Variants in ANKRD11 observed in about 807,000 individuals in gnomAD.
The protein encoded by ANKRD11 is ankyrin repeat domain 11.
A neutral mutation model predicts 195.7 loss-of-function variants in ANKRD11; 17 were observed. The ratio of observed to expected loss-of-function variants is 0.09; its 90% CI spans 0.06 to 0.13. The LOEUF is 0.13. ANKRD11 is among the 10% of genes least tolerant of loss of function. The pLI is 1.00. For missense variants in ANKRD11, 3,735 were observed against 3,566.1 expected, an observed-to-expected ratio of 1.05 and a Z score of -1.21; for synonymous variants, 1,953 against 1,528.1, an observed-to-expected ratio of 1.28 and a Z score of -6.49.
chr16:89,456,318 A>C (rs993594407), intron 1 of ANKRD11, among the ~76,000 whole-genome samples: 3 of 151,852 alleles, frequency 2.0e-5, no homozygotes, highest in African/African-American at 7.3e-5. Flanking sequence ...GGAGGGCAAG[A>C]CAGGCAGACC....
intron 7 of ANKRD11, chr16:89,287,573 A>T (rs1466028758): frequency 6.0e-6 from 1 of 165,934 alleles, no homozygotes; most frequent in Non-Finnish European, 1.3e-5. Context: ...CGAATCCCAG[A>T]CACTGCAGAG....
intron 1 of ANKRD11, among the ~76,000 whole-genome samples, chr16:89,441,670 G>A (rs1247410087): frequency 2.7e-5 from 4 of 147,824 alleles, no homozygotes; most frequent in African/African-American, 9.9e-5. Context: ...GGGAGGCTGA[G>A]GCAGGAGAAT....
chr16:89,466,967 G>A (rs564375344), intron 1 of ANKRD11, among the ~76,000 whole-genome samples: 1 of 152,330 alleles, frequency 6.6e-6, no homozygotes, highest in African/African-American at 2.4e-5. Flanking sequence ...TACCCTGTCA[G>A]TTCATTAGCT....
chr16:89,385,781 C>A (rs1292125751), intron 2 of ANKRD11, among the ~76,000 whole-genome samples: 1 of 152,230 alleles, frequency 6.6e-6, no homozygotes, highest in East Asian at 1.9e-4. Flanking sequence ...GCAGTGAGAC[C>A]GTGCCAGAGC....
At chr16:89,304,271 C>A (rs530667974) in intron 4 of ANKRD11, among the ~76,000 whole-genome samples, 4 of 152,208 alleles carry the variant, frequency 2.6e-5, no homozygotes, top group East Asian at 3.9e-4. Flanking sequence ...GGCTTGCACA[C>A]GGGCACACAG....
At chr16:89,361,567 T>G (rs1300533902) in intron 2 of ANKRD11, 1 of 152,262 alleles carries the variant, frequency 6.6e-6, no homozygotes, top group Non-Finnish European at 1.5e-5. Context: ...AACATCCGCA[T>G]CACCAGAAGG....
chr16:89,434,888 G>A (rs2043147377), intron 1 of ANKRD11, among the ~76,000 whole-genome samples: 1 of 152,216 alleles, frequency 6.6e-6, no homozygotes, highest in South Asian at 2.1e-4. Flanking sequence ...CTGCACCAAG[G>A]CACAAGAAAA....
At chr16:89,422,872 C>CT (rs913508623) in intron 1 of ANKRD11, among the ~76,000 whole-genome samples, 6 of 152,198 alleles carry the variant, frequency 3.9e-5, no homozygotes, top group African/African-American at 1.4e-4. Context: ...ACTTTAATCA[C>CT]TTTTTTCTTT....
chr16:89,280,485 G>T lies in ANKRD11; in HGVS notation c.6057C>A (p.Pro2019=). 6.3e-7 allele frequency: 1 copy of T among 1,577,580 alleles called. No individual in the cohort carries two copies. The highest frequency in any genetic ancestry group is 8.6e-7 in the Non-Finnish European group (1 of 1,163,106). ...GCAGAGCGTACGGGGCAGGAGAGGC[G>T]GGAGGGGCGGGGTACGGCGCCTCCG... ...SASEAPYPAP[P]ASPAPYALPV... The change falls in exon 9 of 13, where the codon CCC becomes CCA. Residue 2019 remains proline (P), a synonymous_variant. Coordinates refer to ENST00000301030, the MANE Select transcript of ANKRD11 (RefSeq NM_013275.6).
chr16:89,410,543 G>A (rs1453678677), intron 2 of ANKRD11, among the ~76,000 whole-genome samples: 1 of 152,104 alleles, frequency 6.6e-6, no homozygotes, highest in African/African-American at 2.4e-5. Context: ...GGCTACAAAG[G>A]CCACCCTCTG....
At chr16:89,319,531 T>C (rs1318697737) in intron 2 of ANKRD11, among the ~76,000 whole-genome samples, 14 of 152,222 alleles carry the variant, frequency 9.2e-5, no homozygotes, top group Admixed American at 7.8e-4. Context: ...ATCCAGGCCG[T>C]GGCCCTTCCA....
Position 89,283,357 on chromosome 16 carries a change from G to A in ANKRD11, c.3185C>T (p.Thr1062Ile), listed in dbSNP as rs748550939. 6.2e-7 allele frequency: 1 copy of A among 1,613,448 alleles called. No homozygotes were observed. The highest frequency in any genetic ancestry group is 2.2e-5 in the East Asian group (1 of 44,886). Reference protein sequence around the residue: ...FDKCFKEKKDTKEKHKDTHGK... With the variant: ...FDKCFKEKKDIKEKHKDTHGK... ...ATGTGTGTCTTTATGTTTTTCCTTG[G>A]TATCTTTTTTCTCTTTAAAACATTT... Residue 1062 changes from threonine (T) to isoleucine (I), a missense_variant, in exon 9 of 13, where the codon ACC (threonine) becomes ATC (isoleucine). Physicochemically the swap from Thr to Ile is moderately conservative, Grantham distance 89. Transcript: ENST00000301030. This position sits in a 1 kb window ranked among gnomAD's most constrained non-coding sequence, Gnocchi z 4.3.
chr16:89,362,091 G>T (rs1261001266), intron 2 of ANKRD11, among the ~76,000 whole-genome samples: 1 of 152,196 alleles, frequency 6.6e-6, no homozygotes, highest in Non-Finnish European at 1.5e-5. Context: ...TGTAAAAGAT[G>T]CAAGTTTCAA....
intron 2 of ANKRD11, among the ~76,000 whole-genome samples, chr16:89,403,015 A>G (rs2041763657): frequency 3.3e-5 from 5 of 152,264 alleles, no homozygotes. Context: ...CCCCACCATC[A>G]AACACCAGGC....
chr16:89,279,142 G>T lies in ANKRD11; in HGVS notation c.7400C>A (p.Ala2467Asp). The T allele has an allele frequency of 1.9e-6, 3 of 1,613,866 alleles. No individual in the cohort carries two copies. The highest frequency in any genetic ancestry group is 2.5e-6 in the Non-Finnish European group (3 of 1,180,016). The stretch of plus-strand genomic sequence containing the variant: ...GGAGCCCGTGTAGGTGACGTACTCG[G>T]CGTAGCACTGGGGCGCCTGCGGCGT... ...CITPQAPQCYAEYVTYTGSYL... is the reference protein window; with the variant it reads ...CITPQAPQCYDEYVTYTGSYL... Residue 2467 changes from alanine (A) to aspartate (D), a missense_variant, in exon 9 of 13, where the codon GCC (alanine) becomes GAC (aspartate). Physicochemically the swap from Ala to Asp is moderately radical, Grantham distance 126. Coordinates refer to ENST00000301030, the MANE Select transcript of ANKRD11 (RefSeq NM_013275.6). This position sits in a 1 kb window ranked among gnomAD's most constrained non-coding sequence, Gnocchi z 5.6.
intron 1 of ANKRD11, among the ~76,000 whole-genome samples, chr16:89,479,668 G>C (rs2057377579): frequency 6.7e-6 from 1 of 149,652 alleles, no homozygotes; most frequent in South Asian, 2.1e-4. Flanking sequence ...AAAAAGGCCA[G>C]ACGCAGTGGC....
intron 1 of ANKRD11, among the ~76,000 whole-genome samples, chr16:89,469,360 T>A (rs1051288239): frequency 6.6e-6 from 1 of 152,054 alleles, no homozygotes; most frequent in African/African-American, 2.4e-5. Flanking sequence ...CAGCTGGGAA[T>A]AGAGGCAAAC....
At chr16:89,289,123 G>C in intron 6 of ANKRD11, 2 of 263,836 alleles carry the variant, frequency 7.6e-6, no homozygotes, top group Non-Finnish European at 1.5e-5. Flanking sequence ...GGGCGCCCAG[G>C]CTCGGGCTGC....
intron 2 of ANKRD11, among the ~76,000 whole-genome samples, chr16:89,328,213 A>T (rs190262891): frequency 3.3e-4 from 51 of 152,292 alleles, no homozygotes; most frequent in Non-Finnish European, 7.1e-4. Context: ...GCTGGAGAGG[A>T]TGTAGAAAAG....
Sources: allele counts gnomAD v4.1 joint callset (sites outside exome capture counted in the v4.1 genomes callset), GRCh38; gene constraint gnomAD v4.1.1; non-coding constraint Gnocchi (gnomAD v3.1); transcripts MANE v1.5; gene names NCBI Gene and HGNC (gene_info 2026-07-23, HGNC 2026-07-21).